Variants in SGO2 observed in about 807,000 individuals in gnomAD.
The protein encoded by SGO2 is shugoshin-like 2.
A neutral mutation model predicts 99.5 loss-of-function variants in SGO2; 68 were observed. That is an observed-to-expected ratio of 0.68 (90% CI 0.56 to 0.84). The LOEUF (loss-of-function observed/expected upper bound fraction) is 0.84, where lower values mean the gene tolerates loss of function less well. SGO2 is among the 40% of genes least tolerant of loss of function. The pLI, the probability that SGO2 is intolerant of heterozygous loss-of-function variation, is 0.00. For synonymous variants in SGO2, 457 were observed against 487.1 expected (o/e 0.94, Z 0.81); for missense variants, 1,350 against 1,436.7 (o/e 0.94, Z 0.97).
intron 5 of SGO2, among the ~76,000 whole-genome samples, chr2:200,569,452 C>G (rs553478594): frequency 1.2e-4 from 19 of 152,088 alleles, no homozygotes; most frequent in African/African-American, 4.6e-4. Context: ...GCCACTGTGA[C>G]TAAGGGGTTA....
chr2:200,534,927 T>G (rs1166100467), intron 2 of SGO2, 69 bp from the exon 3 acceptor site: 1 of 1,054,174 alleles, frequency 9.5e-7, no homozygotes, highest in Non-Finnish European at 1.3e-6. Flanking sequence ...GTCTATGTTT[T>G]ACTAAGGAAT....
intron 5 of SGO2, among the ~76,000 whole-genome samples, chr2:200,555,965 TTTTG>T (rs1269034143): frequency 4.6e-5 from 7 of 152,126 alleles, no homozygotes; most frequent in African/African-American, 7.2e-5. Flanking sequence ...TATCCGCTTT[TTTTG>T]TTTGTTTGTT....
intron 5 of SGO2, among the ~76,000 whole-genome samples, chr2:200,550,374 A>G (rs2032423605): frequency 1.3e-5 from 2 of 152,224 alleles, no homozygotes; most frequent in African/African-American, 4.8e-5. Flanking sequence ...TGAACCCGCA[A>G]AAGACCCTGA....
rs572892654 is a variant in SGO2 at position 200,559,158 on chromosome 2, A to G, written c.474-10505A>G. 2.6e-5 allele frequency among the ~76,000 whole-genome samples: 4 copies of G among 152,216 alleles called. No individual in the cohort carries two copies. The East Asian group carries it at 7.7e-4, about 29-fold the overall frequency. ...ATATTCAGATTTCTTATTTCTTCTT[A>G]TGTTAGGTTTGTAAAATTTTTTTTA... On this transcript the variant is annotated intron_variant, in intron 5 of 8. Coordinates refer to ENST00000357799, the MANE Select transcript of SGO2 (RefSeq NM_152524.6).
intron 1 of SGO2, among the ~76,000 whole-genome samples, chr2:200,530,929 A>G (rs1349700212): frequency 6.6e-6 from 1 of 152,174 alleles, no homozygotes. Flanking sequence ...AATGTTTTCA[A>G]GGAGATTTGC....
In SGO2 at chr2:200,536,149, A is replaced by G. The variant is rs1282493782; in HGVS notation, c.387+7A>G. The G allele has an allele frequency of 2.6e-6, 4 of 1,550,874 alleles. No individual in the cohort carries two copies. The African/African-American group carries it at 4.1e-5, about 16-fold the overall frequency. ...AATGAGCAGTCTTTCTGAGGTAAGT[A>G]GAATTTATATGTAAATAGTGTTGTT... On this transcript the variant is annotated splice_region_variant and intron_variant, in intron 4 of 8. Coordinates refer to ENST00000357799, the MANE Select transcript of SGO2 (RefSeq NM_152524.6).
chr2:200,573,545 T>C lies in SGO2; in HGVS notation c.3199T>C (p.Cys1067Arg). 1.2e-6 allele frequency: 2 copies of C among 1,609,076 alleles called. No individual in the cohort carries two copies. Among genetic ancestry groups the C allele is most frequent in the Non-Finnish European group, 1.7e-6 (2 of 1,178,486 alleles). ...PFVEEIKEGECQVKKVNKMTS... is the reference protein window; with the variant it reads ...PFVEEIKEGERQVKKVNKMTS... ...TGTGGAAGAAATAAAAGAAGGAGAGTGTCAGGTTAAAAAGGTAAATAAAAT... is the reference window on the plus strand; with the variant it reads ...TGTGGAAGAAATAAAAGAAGGAGAGCGTCAGGTTAAAAAGGTAAATAAAAT... The change falls in exon 7 of 9, where the codon TGT becomes CGT. Residue 1067 changes from cysteine to arginine, a missense_variant. Transcript: ENST00000357799.
At chr2:200,575,160 AGTTT>A (rs1212635585) in intron 7 of SGO2, 147 bp from the exon 8 acceptor site, 28 of 441,732 alleles carry the variant, frequency 6.3e-5, no homozygotes, top group Non-Finnish European at 1.0e-4. Flanking sequence ...CTACTTTGAC[AGTTT>A]GTTTCAAATG....
intron 1 of SGO2, among the ~76,000 whole-genome samples, chr2:200,527,630 G>C (rs890282471): frequency 3.9e-5 from 6 of 152,190 alleles, no homozygotes; most frequent in Non-Finnish European, 7.3e-5. Context: ...CCCATTCCAA[G>C]AGTGGGCGGT....
chr2:200,527,063 A>C (rs947325970), intron 1 of SGO2, among the ~76,000 whole-genome samples: 2 of 152,202 alleles, frequency 1.3e-5, no homozygotes, highest in Admixed American at 1.3e-4. Flanking sequence ...TGTAATCACT[A>C]TCATAATGTC....
intron 8 of SGO2, among the ~76,000 whole-genome samples, chr2:200,578,694 T>C (rs1410554291): frequency 6.6e-6 from 1 of 152,220 alleles, no homozygotes; most frequent in Admixed American, 6.5e-5. Flanking sequence ...TGTAGCAGGA[T>C]AGAGTCTTAT....
intron 2 of SGO2, among the ~76,000 whole-genome samples, 157 bp from the exon 3 acceptor site, chr2:200,534,839 G>C (rs549280981): frequency 6.6e-6 from 1 of 151,530 alleles, no homozygotes; most frequent in Non-Finnish European, 1.5e-5. Flanking sequence ...CTAAACTCTG[G>C]GTTTATTTTT....
At chr2:200,575,542 C>A in intron 8 of SGO2, 81 bp downstream of exon 8, 1 of 995,546 alleles carries the variant, frequency 1.0e-6, no homozygotes, top group Non-Finnish European at 1.5e-6. Context: ...TATTTGAGCA[C>A]TTCTGATAAT....
rs144488705 is a variant in SGO2, at chr2:200,535,011, T to G, written c.149T>G (p.Phe50Cys). 1.5e-5 allele frequency: 23 copies of G among 1,529,522 alleles called. No individual in the cohort carries two copies. Among genetic ancestry groups the G allele is most frequent in the Middle Eastern group, 1.8e-4 (1 of 5,426 alleles). The allele number at this position is 1,529,522 out of a possible 1,614,324, so 94.7% of individuals were successfully genotyped here. A position where few individuals can be genotyped will look rare whatever the true frequency, so the allele number is the denominator to read the frequency against. ...CTTTTTACAGATAATTCTTCTATTT[T>G]CAAAATATCTTTAAAGCACAACAAC... The part of the protein sequence containing the change: ...KTKILNNSSI[F>C]KISLKHNNRA... Residue 50 changes from phenylalanine to cysteine, a missense_variant, in exon 3 of 9, where the codon TTC (phenylalanine) becomes TGC (cysteine). By Grantham distance (205) the Phe-to-Cys change is radical. Coordinates refer to ENST00000357799, the MANE Select transcript of SGO2 (RefSeq NM_152524.6).
intron 5 of SGO2, among the ~76,000 whole-genome samples, chr2:200,559,479 T>C (rs1328505944): frequency 2.0e-5 from 3 of 152,182 alleles, no homozygotes; most frequent in East Asian, 3.8e-4. Context: ...ATTATTATTA[T>C]TACTCTTATT....
At chr2:200,558,702 T>A (rs1387008680) in intron 5 of SGO2, among the ~76,000 whole-genome samples, 5 of 152,098 alleles carry the variant, frequency 3.3e-5, no homozygotes, top group South Asian at 4.1e-4. Flanking sequence ...TCTTTTTCTG[T>A]TTTATGGCAG....
chr2:200,534,997 T>G lies in SGO2; in HGVS notation c.135T>G (p.Asn45Lys), dbSNP rs779484066. 1 of 1,521,354 alleles carries G rather than the reference T, an allele frequency of 6.6e-7. No individual in the cohort carries two copies. The highest frequency in any genetic ancestry group is 8.7e-7 in the Non-Finnish European group (1 of 1,145,704). The allele number at this position is 1,521,354 out of a possible 1,614,324, so 94.2% of individuals were successfully genotyped here. A position where few individuals can be genotyped will look rare whatever the true frequency, so the allele number is the denominator to read the frequency against. ...LASKIKTKIL[N>K]NSSIFKISLK... is the part of the protein sequence containing the mutation. ...CTCATTTTAAAAATCTTTTTACAGA[T>G]AATTCTTCTATTTTCAAAATATCTT... Residue 45 changes from asparagine (N) to lysine (K), a missense_variant and splice_region_variant, in exon 3 of 9, where the codon AAT (asparagine) becomes AAG (lysine). Physicochemically the swap from Asn to Lys is moderately conservative, Grantham distance 94 (BLOSUM62 0). Transcript: ENST00000357799.
At chr2:200,581,772 A>G (rs2033849355) in intron 8 of SGO2, among the ~76,000 whole-genome samples, 1 of 152,222 alleles carries the variant, frequency 6.6e-6, no homozygotes, top group Admixed American at 6.5e-5. Context: ...AAATTTTACC[A>G]ACTAAGCTGT....
intron 5 of SGO2, among the ~76,000 whole-genome samples, chr2:200,558,112 C>G (rs1363617777): frequency 6.6e-6 from 1 of 152,126 alleles, no homozygotes. Flanking sequence ...ATCTGTCCAC[C>G]TTCGCCTTCC....
Sources: gnomAD v4.1 joint callset for allele counts (sites outside exome capture counted in the v4.1 genomes callset) on GRCh38, gnomAD v4.1.1 for gene constraint, MANE v1.5 for transcripts, NCBI Gene and HGNC (gene_info 2026-07-23, HGNC 2026-07-21) for gene names.